Variants in CCDC149 observed in about 807,000 individuals in gnomAD.
The protein encoded by CCDC149 is coiled-coil domain containing 149, also known as coiled-coil domain-containing protein 149.
A neutral mutation model predicts 59.9 loss-of-function variants in CCDC149; 45 were observed. That is an observed-to-expected ratio of 0.75 (90% confidence interval 0.59 to 0.96). The LOEUF is 0.96. Among genes scored for constraint, CCDC149 ranks in the 40% least tolerant of loss-of-function variants. The pLI is 0.00. For missense variants in CCDC149, 584 were observed against 664.7 expected, an observed-to-expected ratio of 0.88 and a Z score of 1.33; for synonymous variants, 245 against 260.6, an observed-to-expected ratio of 0.94 and a Z score of 0.58.
rs1239282985 is a variant in CCDC149 at position 24,864,942 on chromosome 4, T to C, written c.264+8739A>G. Among the ~76,000 whole-genome samples, 4 of 152,328 alleles carry C rather than the reference T, an allele frequency of 2.6e-5. No individual in the cohort carries two copies. The South Asian group carries it at 6.2e-4, about 24-fold the overall frequency. ...TGGGGAACTTGAGTATGTGAGAATT[T>C]TGGTGTACACGGGGTTCCTGGAACC... On this transcript the variant is annotated intron_variant, in intron 3 of 12. Coordinates refer to ENST00000635206, the MANE Select transcript of CCDC149 (RefSeq NM_001330643.2).
At position 24,939,923 on chromosome 4, in the gene CCDC149, C is replaced by A. The variant is rs1344358043; in HGVS notation, c.-65+40146G>T. 2.6e-5 allele frequency among the ~76,000 whole-genome samples: 4 copies of A among 152,178 alleles called. 1 individual carries two copies. The South Asian group carries it at 8.3e-4, about 32-fold the overall frequency. On this transcript the variant is annotated intron_variant, in intron 1 of 12. Coordinates refer to the CCDC149 transcript ENST00000389609. ...AAAGACCAAATCTACGTCTCATTGG[C>A]GTACCTGAAAGTGACGGGGAGAATG...
At chr4:24,879,447 G>A (rs991573890) in intron 1 of CCDC149, among the ~76,000 whole-genome samples, 2 of 151,624 alleles carry the variant, frequency 1.3e-5, no homozygotes, top group Non-Finnish European at 2.9e-5. Flanking sequence ...AACCCGGGAG[G>A]CAGAGGCTGC....
At chr4:24,974,653 C>T (rs1472949036) in intron 1 of CCDC149, among the ~76,000 whole-genome samples, 1 of 152,166 alleles carries the variant, frequency 6.6e-6, no homozygotes, top group Non-Finnish European at 1.5e-5. Context: ...ATCTCTACAC[C>T]CCCCACACCA....
At chr4:24,865,506 A>G (rs1718642182) in intron 3 of CCDC149, among the ~76,000 whole-genome samples, 1 of 152,186 alleles carries the variant, frequency 6.6e-6, no homozygotes, top group Non-Finnish European at 1.5e-5. Flanking sequence ...CCTTTGCTAT[A>G]GCGACAGCTT....
At chr4:24,975,537 A>G (rs1207468588) in intron 1 of CCDC149, among the ~76,000 whole-genome samples, 4 of 138,304 alleles carry the variant, frequency 2.9e-5, no homozygotes, top group Non-Finnish European at 6.3e-5. Context: ...AGGGAAGGGA[A>G]GGAGAGAAAA....
chr4:24,927,064 G>A (rs1275634147), intron 1 of CCDC149, among the ~76,000 whole-genome samples: 2 of 152,196 alleles, frequency 1.3e-5, no homozygotes, highest in Admixed American at 6.5e-5. Context: ...TAGGTTACAA[G>A]GAAGTCCCAA....
chr4:24,953,144 G>C (rs1017645285), intron 1 of CCDC149, among the ~76,000 whole-genome samples: 10 of 152,170 alleles, frequency 6.6e-5, no homozygotes, highest in Non-Finnish European at 1.5e-4. Flanking sequence ...AGACTGGCAA[G>C]TGGATGACAT....
chr4:24,905,100 C>T (rs111933222), intron 1 of CCDC149, among the ~76,000 whole-genome samples: 21,134 of 151,954 alleles, frequency 0.14, 1,579 homozygotes, highest in East Asian at 0.21. Flanking sequence ...CAGGGTTTCA[C>T]CATGTTGGTC....
chr4:24,900,798 G>A (rs1216617445), intron 1 of CCDC149, among the ~76,000 whole-genome samples: 1 of 152,226 alleles, frequency 6.6e-6, no homozygotes, highest in African/African-American at 2.4e-5. Flanking sequence ...CACCTTAAAG[G>A]ACTGGTGAAG....
intron 1 of CCDC149, among the ~76,000 whole-genome samples, chr4:24,924,667 G>A (rs1212256854): frequency 6.6e-6 from 1 of 152,188 alleles, no homozygotes; most frequent in African/African-American, 2.4e-5. Context: ...TTTTCTCATG[G>A]CGCCATGGAG....
chr4:24,957,483 G>A (rs73250649), intron 1 of CCDC149, among the ~76,000 whole-genome samples: 11,609 of 152,272 alleles, frequency 0.076, 686 homozygotes, highest in East Asian at 0.26. Flanking sequence ...CACCACCATA[G>A]TACAATCCCA....
downstream of CCDC149, among the ~76,000 whole-genome samples, chr4:24,803,545 A>C (rs922982424): frequency 2.6e-5 from 4 of 152,232 alleles, no homozygotes; most frequent in African/African-American, 9.6e-5. This position sits in a 1 kb window ranked among gnomAD's most constrained non-coding sequence, Gnocchi z 4.3. Context: ...TGTTTATTTC[A>C]GGTAACAAAA....
intron 12 of CCDC149, among the ~76,000 whole-genome samples, chr4:24,817,154 C>G (rs932421740): frequency 6.6e-6 from 1 of 152,206 alleles, no homozygotes; most frequent in East Asian, 1.9e-4. Flanking sequence ...CAGGCTCATG[C>G]TCCGTTTCAG....
At chr4:24,866,546 C>T (rs1230045096) in intron 3 of CCDC149, among the ~76,000 whole-genome samples, 3 of 152,214 alleles carry the variant, frequency 2.0e-5, no homozygotes, top group Middle Eastern at 3.4e-3. Context: ...CAAAGGGGCG[C>T]TCTGTGTACA....
intron 1 of CCDC149, among the ~76,000 whole-genome samples, chr4:24,925,484 T>TA (rs1261395192): frequency 3.3e-5 from 5 of 152,178 alleles, no homozygotes; most frequent in South Asian, 2.1e-4. Context: ...TGCTTCCTTT[T>TA]AAAAAAACTT....
intron 1 of CCDC149, among the ~76,000 whole-genome samples, chr4:24,968,694 C>T (rs1289108096): frequency 5.9e-5 from 9 of 152,202 alleles, no homozygotes; most frequent in South Asian, 2.1e-4. Flanking sequence ...TAACACCATA[C>T]GGTTTGAAAC....
intron 1 of CCDC149, among the ~76,000 whole-genome samples, chr4:24,946,095 A>G (rs150335344): frequency 3.3e-5 from 5 of 152,332 alleles, no homozygotes; most frequent in African/African-American, 1.2e-4. Context: ...TCAAAGATAG[A>G]CACACCACCC....
At chr4:24,973,549 C>T (rs556476300) in intron 1 of CCDC149, among the ~76,000 whole-genome samples, 1 of 152,332 alleles carries the variant, frequency 6.6e-6, no homozygotes, top group East Asian at 1.9e-4. Flanking sequence ...AGGCTACTGG[C>T]AGCTATCTTG....
chr4:24,851,804 C>T (rs377753899), intron 4 of CCDC149, among the ~76,000 whole-genome samples: 2 of 152,060 alleles, frequency 1.3e-5, no homozygotes, highest in Non-Finnish European at 2.9e-5. Context: ...AATTATTGAC[C>T]AAACACCTAG....
Sources: gnomAD v4.1 joint callset for allele counts (sites outside exome capture counted in the v4.1 genomes callset) on GRCh38, gnomAD v4.1.1 for gene constraint, Gnocchi (gnomAD v3.1) non-coding constraint, MANE v1.5 for transcripts, NCBI Gene and HGNC (gene_info 2026-07-23, HGNC 2026-07-21) for gene names.